Variants in CSMD1 observed in about 807,000 individuals in gnomAD.
The protein encoded by CSMD1 is CUB and sushi domain-containing protein 1.
In CSMD1, 213 loss-of-function variants were observed where a neutral mutation model predicts 417.5. The observed-to-expected ratio is 0.51, with a 90% CI of 0.46 to 0.57. The LOEUF (loss-of-function observed/expected upper bound fraction) is 0.57, where lower values mean the gene tolerates loss of function less well. Among genes scored for constraint, CSMD1 ranks in the 20% least tolerant of loss-of-function variants. CSMD1 has a pLI of 0.00. For synonymous variants in CSMD1, 2,862 were observed against 1,736.8 expected, an observed-to-expected ratio of 1.65 and a Z score of -16.11; for missense variants, 6,923 against 4,529.7, an observed-to-expected ratio of 1.53 and a Z score of -15.17.
At chr8:4,105,304 G>A (rs1801511228) in intron 3 of CSMD1, among the ~76,000 whole-genome samples, 1 of 151,420 alleles carries the variant, frequency 6.6e-6, no homozygotes, top group Non-Finnish European at 1.5e-5. Flanking sequence ...TCATTTCATT[G>A]CTTTAGTGAT....
intron 7 of CSMD1, among the ~76,000 whole-genome samples, chr8:3,629,904 G>C (rs899189701): frequency 4.6e-5 from 7 of 152,134 alleles, no homozygotes; most frequent in African/African-American, 1.7e-4. Context: ...GAAAAAAGTA[G>C]ATTCAAAATT....
Position 3,034,392 on chromosome 8 carries a change from T to G in CSMD1, c.7661-4879A>C, listed in dbSNP as rs148165203. 6.7e-3 allele frequency among the ~76,000 whole-genome samples: 1,014 copies of G among 152,222 alleles called. 11 individuals are homozygous for G. Among genetic ancestry groups the G allele is most frequent in the African/African-American group, 0.021 (864 of 41,536 alleles). On this transcript the variant is annotated intron_variant, in intron 50 of 69. Coordinates refer to ENST00000635120, the MANE Select transcript of CSMD1 (RefSeq NM_033225.6). The stretch of plus-strand genomic sequence containing the variant: ...GATAGGCACAGACATCATTTTACAG[T>G]TAGGCTGAAAAACTGAAAGCTGAGA...
At chr8:4,398,611 T>G (rs113323061) in intron 3 of CSMD1, among the ~76,000 whole-genome samples, 7,113 of 151,928 alleles carry the variant, frequency 0.047, 288 homozygotes, top group African/African-American at 0.11. Context: ...TAGCCAGGAT[T>G]GTCTCGATCT....
At chr8:4,065,988 G>A (rs568783234) in intron 3 of CSMD1, among the ~76,000 whole-genome samples, 1 of 152,140 alleles carries the variant, frequency 6.6e-6, no homozygotes, top group African/African-American at 2.4e-5. Context: ...ATAAAATAGG[G>A]GAAGGAGACC....
intron 5 of CSMD1, among the ~76,000 whole-genome samples, chr8:3,782,757 G>T (rs1799250998): frequency 6.6e-6 from 1 of 152,198 alleles, no homozygotes; most frequent in African/African-American, 2.4e-5. Flanking sequence ...AGAACAGTAT[G>T]AATAGAGATC....
intron 3 of CSMD1, among the ~76,000 whole-genome samples, chr8:4,351,447 G>A (rs1189444782): frequency 6.6e-6 from 1 of 152,170 alleles, no homozygotes. Flanking sequence ...TTAAAATAAT[G>A]TCTAAAAAGC....
At chr8:4,712,360 G>C (rs904689826) in intron 1 of CSMD1, among the ~76,000 whole-genome samples, 3 of 152,098 alleles carry the variant, frequency 2.0e-5, no homozygotes, top group Non-Finnish European at 4.4e-5. Context: ...CCTTTGATTT[G>C]TACATGGCAC....
intron 14 of CSMD1, among the ~76,000 whole-genome samples, chr8:3,406,949 T>C (rs1486558815): frequency 6.6e-6 from 1 of 152,222 alleles, no homozygotes; most frequent in Non-Finnish European, 1.5e-5. Context: ...CAGTTGTTTT[T>C]ACTACACTAC....
At chr8:4,950,252 A>C (rs1328232769) in intron 1 of CSMD1, among the ~76,000 whole-genome samples, 1 of 152,144 alleles carries the variant, frequency 6.6e-6, no homozygotes, top group Non-Finnish European at 1.5e-5. Flanking sequence ...TTAGTCATTT[A>C]TGCCACACAC....
chr8:3,683,111 G>A (rs565013533), intron 7 of CSMD1, among the ~76,000 whole-genome samples: 475 of 152,086 alleles, frequency 3.1e-3, no homozygotes, highest in Non-Finnish European at 5.8e-3. Context: ...ACAAGCTAAT[G>A]GGTGCAGCAC....
chr8:4,351,827 C>A lies in CSMD1; in HGVS notation c.415+68126G>T, dbSNP rs755361568. On this transcript the variant is annotated intron_variant, in intron 3 of 69. Coordinates refer to ENST00000635120, the MANE Select transcript of CSMD1 (RefSeq NM_033225.6). ...ATCTCAAAAGGAGCAGAGCAACACA[C>A]CAGGCCAAGGAGATGTCCAGGACCC... Among the ~76,000 whole-genome samples, 3 of 152,132 alleles carry A rather than the reference C, an allele frequency of 2.0e-5. No homozygotes were observed. In the South Asian group the frequency reaches 6.2e-4, roughly 32 times the overall value.
intron 23 of CSMD1, among the ~76,000 whole-genome samples, chr8:3,337,711 G>C (rs1807361590): frequency 6.6e-6 from 1 of 152,164 alleles, no homozygotes; most frequent in Non-Finnish European, 1.5e-5. Flanking sequence ...TGCTCCCTAG[G>C]AGTTTGGGCA....
rs904237423 is a variant in CSMD1 at position 4,625,247 on chromosome 8, C to T, written c.302+12095G>A. 2.0e-5 allele frequency among the ~76,000 whole-genome samples: 3 copies of T among 152,144 alleles called. No individual in the cohort carries two copies. In the South Asian group the frequency reaches 6.2e-4, roughly 32 times the overall value. On this transcript the variant is annotated intron_variant, in intron 2 of 69. Transcript: ENST00000635120. The stretch of plus-strand genomic sequence containing the variant: ...CTTCCACTGTTTAAGCACAAGTCAC[C>T]TGCTTGGAACGCCAGTTAATTTTCC...
chr8:4,513,391 C>A, intron 2 of CSMD1, among the ~76,000 whole-genome samples: 1 of 152,140 alleles, frequency 6.6e-6, no homozygotes, highest in East Asian at 1.9e-4. Flanking sequence ...GAGAAATCCT[C>A]AAGTAGCACC....
chr8:3,298,062 TA>T (rs1487340241), intron 25 of CSMD1, among the ~76,000 whole-genome samples: 1 of 152,078 alleles, frequency 6.6e-6, no homozygotes, highest in African/African-American at 2.4e-5. Flanking sequence ...GTAGAATGGC[TA>T]AAATGAAAAA....
intron 3 of CSMD1, among the ~76,000 whole-genome samples, chr8:4,307,623 C>G (rs1338480552): frequency 6.6e-6 from 1 of 152,154 alleles, no homozygotes; most frequent in Non-Finnish European, 1.5e-5. Context: ...AATAAGCAAG[C>G]TTATCGAATT....
intron 10 of CSMD1, among the ~76,000 whole-genome samples, chr8:3,548,770 G>A (rs374988902): frequency 6.6e-6 from 1 of 151,548 alleles, no homozygotes; most frequent in East Asian, 2.0e-4. Flanking sequence ...GCCCGGCCAA[G>A]TTGTTTTCAT....
At chr8:4,346,281 T>C (rs1159598762) in intron 3 of CSMD1, among the ~76,000 whole-genome samples, 2 of 152,174 alleles carry the variant, frequency 1.3e-5, no homozygotes, top group Non-Finnish European at 2.9e-5. Flanking sequence ...TCATAGCACA[T>C]GAAAGATACA....
At chr8:4,216,813 C>T (rs138113197) in intron 3 of CSMD1, among the ~76,000 whole-genome samples, 1 of 152,244 alleles carries the variant, frequency 6.6e-6, no homozygotes. Flanking sequence ...AGAATTCCAA[C>T]ACAAGAAAGA....
Sources: allele counts gnomAD v4.1 joint callset (sites outside exome capture counted in the v4.1 genomes callset), GRCh38; gene constraint gnomAD v4.1.1; transcripts MANE v1.5; gene names NCBI Gene and HGNC (gene_info 2026-07-23, HGNC 2026-07-21).